The following GPC3 variants were observed in gnomAD, a reference collection of about 807,000 sequenced individuals.
GPC3 encodes the protein glypican 3, also known as glypican-3.
A neutral mutation model predicts 34.4 loss-of-function variants in GPC3; 3 were observed. That is an observed-to-expected ratio of 0.09 (90% CI 0.04 to 0.23). The LOEUF (loss-of-function observed/expected upper bound fraction) is 0.23. Ranked by LOEUF, GPC3 falls within the 10% of genes least tolerant of loss-of-function variation. The pLI, the probability that GPC3 is intolerant of heterozygous loss-of-function variation, is 1.00. For synonymous variants in GPC3, 177 were observed against 174.0 expected, an observed-to-expected ratio of 1.02 and a Z score of -0.13; for missense variants, 351 against 445.6, an observed-to-expected ratio of 0.79 and a Z score of 1.91.
At chrX:133,539,924 T>A (rs2069327661) in intron 7 of GPC3, among the ~76,000 whole-genome samples, 1 of 112,308 alleles carries the variant, frequency 8.9e-6, no homozygotes, top group Admixed American at 9.5e-5. Flanking sequence ...ACAGGGGAAA[T>A]GTAATCCAAT....
intron 6 of GPC3, among the ~76,000 whole-genome samples, chrX:133,644,223 G>T (rs1312838487): frequency 7.2e-5 from 8 of 111,278 alleles, no homozygotes; most frequent in African/African-American, 2.6e-4. Context: ...ATTGTTAGAG[G>T]TGGAGCTGCT....
At chrX:133,626,113 T>C (rs2070295848) in intron 6 of GPC3, among the ~76,000 whole-genome samples, 1 of 108,965 alleles carries the variant, frequency 9.2e-6, no homozygotes, top group African/African-American at 3.3e-5. Flanking sequence ...GCTAGACATA[T>C]GTAGAAAGCT....
intron 6 of GPC3, among the ~76,000 whole-genome samples, chrX:133,659,118 T>C (rs1357720053): frequency 2.7e-5 from 3 of 112,516 alleles, no homozygotes; most frequent in Non-Finnish European, 5.6e-5. Context: ...TATATATATG[T>C]ATATGATAGA....
chrX:133,639,785 G>A (rs1201241450), intron 6 of GPC3, among the ~76,000 whole-genome samples: 1 of 111,846 alleles, frequency 8.9e-6, no homozygotes, highest in East Asian at 2.8e-4. Context: ...GGCAGTACTG[G>A]TTAATTTCTA....
chrX:133,675,226 T>G (rs139674442), intron 5 of GPC3, among the ~76,000 whole-genome samples: 84 of 111,930 alleles, frequency 7.5e-4, no homozygotes, highest in African/African-American at 2.5e-3. Context: ...CTGTTTTCCG[T>G]CAGCTCCTCT....
intron 1 of GPC3, among the ~76,000 whole-genome samples, chrX:133,972,743 G>T (rs1469083662): frequency 8.9e-6 from 1 of 112,215 alleles, no homozygotes; most frequent in Non-Finnish European, 1.9e-5. Context: ...TGGGTAAAAG[G>T]AGAAATCAAA....
chrX:133,791,532 A>T (rs983278363), intron 2 of GPC3, among the ~76,000 whole-genome samples: 5 of 111,425 alleles, frequency 4.5e-5, no homozygotes, highest in East Asian at 2.8e-4. Flanking sequence ...TTTTTCTGTT[A>T]TCTTACTTAG....
chrX:133,950,422 T>C (rs2076387210), intron 2 of GPC3, among the ~76,000 whole-genome samples: 1 of 112,003 alleles, frequency 8.9e-6, no homozygotes, highest in African/African-American at 3.2e-5. Context: ...CACTCACTGC[T>C]TAAATACCCC....
rs73239398 is a variant in GPC3, at chrX:133,675,140, G to T, written c.1293-13290C>A. Among the ~76,000 whole-genome samples the T allele has an allele frequency of 6.8e-3, 766 of 112,125 alleles. 4 individuals are homozygous for T. The highest frequency in any genetic ancestry group is 0.011 in the Non-Finnish European group (582 of 53,229). ...GTGGTTAATAAATTGCCAAAGATCA[G>T]CCTCAAAGAACAAACTGTTTTCATG... On this transcript the variant is annotated intron_variant, in intron 5 of 7. Coordinates refer to ENST00000370818, the MANE Select transcript of GPC3 (RefSeq NM_004484.4).
intron 5 of GPC3, among the ~76,000 whole-genome samples, chrX:133,677,260 C>T (rs928486738): frequency 8.1e-5 from 9 of 111,594 alleles, no homozygotes; most frequent in African/African-American, 2.3e-4. Context: ...TCACTGCTGT[C>T]GTCAGGAGAA....
intron 2 of GPC3, among the ~76,000 whole-genome samples, chrX:133,780,039 T>C (rs774892264): frequency 1.8e-5 from 2 of 112,000 alleles, no homozygotes; most frequent in African/African-American, 3.2e-5. Flanking sequence ...GAAATGGTTA[T>C]GGGGTCCATA....
At chrX:133,974,536 C>T (rs1338647154) in intron 1 of GPC3, among the ~76,000 whole-genome samples, 1 of 111,737 alleles carries the variant, frequency 8.9e-6, no homozygotes, top group Non-Finnish European at 1.9e-5. Flanking sequence ...AACATATACT[C>T]ATACTTTCTC....
intron 2 of GPC3, among the ~76,000 whole-genome samples, chrX:133,858,410 G>A (rs145690489): frequency 8.9e-6 from 1 of 112,095 alleles, no homozygotes; most frequent in African/African-American, 3.2e-5. Context: ...GCAGTATCCT[G>A]GCTGGATTTC....
chrX:133,570,114 A>G (rs1024340531), intron 7 of GPC3, among the ~76,000 whole-genome samples: 7 of 110,995 alleles, frequency 6.3e-5, no homozygotes, highest in African/African-American at 2.3e-4. Flanking sequence ...GATGGTCTCG[A>G]TCTCCTGACC....
intron 7 of GPC3, among the ~76,000 whole-genome samples, chrX:133,584,930 C>CAAAAAA (rs68159308): frequency 1.5e-5 from 1 of 68,274 alleles, no homozygotes. Flanking sequence ...TATAAAAAGC[C>CAAAAAA]AAAAAAAAAA....
chrX:133,673,650 C>A (rs1174296099), intron 5 of GPC3, among the ~76,000 whole-genome samples: 1 of 112,243 alleles, frequency 8.9e-6, no homozygotes, highest in Non-Finnish European at 1.9e-5. Flanking sequence ...GAGTCAGAGA[C>A]ATGGGTTCAA....
At chrX:133,880,481 T>A (rs2076036929) in intron 2 of GPC3, among the ~76,000 whole-genome samples, 2 of 112,052 alleles carry the variant, frequency 1.8e-5, no homozygotes, top group Non-Finnish European at 3.8e-5. Flanking sequence ...TTCAGCTACA[T>A]ACACTGAAGA....
intron 2 of GPC3, among the ~76,000 whole-genome samples, chrX:133,765,967 C>T (rs2071840712): frequency 8.9e-6 from 1 of 111,779 alleles, no homozygotes; most frequent in African/African-American, 3.2e-5. Flanking sequence ...CTCATTGTAA[C>T]AATTTTCTTT....
At chrX:133,887,924 C>CTTT (rs1261840835) in intron 2 of GPC3, among the ~76,000 whole-genome samples, 2 of 96,537 alleles carry the variant, frequency 2.1e-5, no homozygotes, top group African/African-American at 7.5e-5. Flanking sequence ...AGACAGAATT[C>CTTT]TTTTTTTTTT....
Sources: gnomAD v4.1 joint callset for allele counts (sites outside exome capture counted in the v4.1 genomes callset) on GRCh38, gnomAD v4.1.1 for gene constraint, MANE v1.5 for transcripts, NCBI Gene and HGNC (gene_info 2026-07-23, HGNC 2026-07-21) for gene names.